NAA11: variants seen among roughly 807,000 people sequenced by gnomAD.
NAA11 encodes the protein N-alpha-acetyltransferase 11.
A neutral mutation model predicts 16.1 loss-of-function variants in NAA11; 15 were observed. That is an observed-to-expected ratio of 0.93 (90% confidence interval 0.62 to 1.44). NAA11 has a LOEUF of 1.44. Among genes scored for constraint, NAA11 ranks in the 40% most tolerant of loss-of-function variants. The pLI, the probability that NAA11 is intolerant of heterozygous loss-of-function variation, is 0.00. For synonymous variants in NAA11, 122 were observed against 112.4 expected (o/e 1.09, Z -0.54); for missense variants, 298 against 291.3 (o/e 1.02, Z -0.17).
chr4:79,293,710 A>C (rs1723143945), intron 2 of NAA11, among the ~76,000 whole-genome samples: 1 of 152,208 alleles, frequency 6.6e-6, no homozygotes, highest in Non-Finnish European at 1.5e-5. Context: ...GGTAATGAAC[A>C]AGTGAGAAAT....
At chr4:79,156,329 G>GTGTGTA in the NAA11 span, among the ~76,000 whole-genome samples, 417 of 149,362 alleles carry the variant, frequency 2.8e-3, 2 homozygotes, top group Middle Eastern at 6.9e-3. Context: ...GTGTGTGTGT[G>GTGTGTA]TATATATATA....
the NAA11 span, among the ~76,000 whole-genome samples, chr4:79,161,897 G>T: frequency 6.6e-6 from 1 of 152,096 alleles, no homozygotes; most frequent in Non-Finnish European, 1.5e-5. Context: ...TGGCCAGGCT[G>T]GTCTCGAACT....
the NAA11 span, among the ~76,000 whole-genome samples, chr4:79,215,016 C>G: frequency 2.4e-3 from 366 of 152,202 alleles, 9 homozygotes; most frequent in Admixed American, 0.021. Context: ...TATAGCAGCA[C>G]CAACAGACTA....
chr4:79,205,503 G>C, the NAA11 span, among the ~76,000 whole-genome samples: 1 of 151,926 alleles, frequency 6.6e-6, no homozygotes, highest in Non-Finnish European at 1.5e-5. Flanking sequence ...TGTAGATTCT[G>C]GATATGAGTT....
chr4:79,319,469 C>T (rs933747315), intron 1 of NAA11, among the ~76,000 whole-genome samples: 2 of 152,092 alleles, frequency 1.3e-5, no homozygotes, highest in African/African-American at 4.8e-5. Flanking sequence ...TGAATCATTG[C>T]CCATTCAAAG....
chr4:79,203,872 A>G, the NAA11 span, among the ~76,000 whole-genome samples: 1 of 151,846 alleles, frequency 6.6e-6, no homozygotes, highest in African/African-American at 2.4e-5. Flanking sequence ...GGATATGAAC[A>G]GGCAATCTCA....
intron 1 of NAA11, among the ~76,000 whole-genome samples, chr4:79,307,881 G>C (rs1560466756): frequency 6.6e-6 from 1 of 152,140 alleles, no homozygotes; most frequent in Non-Finnish European, 1.5e-5. Context: ...CTTTGACCAT[G>C]TAAAGGACAT....
the NAA11 span, among the ~76,000 whole-genome samples, chr4:79,183,907 G>GTTATTATGTTATT: frequency 3.3e-5 from 5 of 152,128 alleles, no homozygotes; most frequent in African/African-American, 1.2e-4. Flanking sequence ...AAGTTTAAAT[G>GTTATTATGTTATT]AGGATCAAGT....
intron 1 of NAA11, among the ~76,000 whole-genome samples, chr4:79,304,644 A>C (rs1461292692): frequency 6.6e-6 from 1 of 152,196 alleles, no homozygotes; most frequent in Admixed American, 6.5e-5. Context: ...TATGATTTTT[A>C]CTACTTTTCC....
At chr4:79,271,669 A>G (rs1319154059) in intron 2 of NAA11, among the ~76,000 whole-genome samples, 1 of 152,088 alleles carries the variant, frequency 6.6e-6, no homozygotes, top group Non-Finnish European at 1.5e-5. Context: ...TAATTTTGCT[A>G]TAAAATTAGA....
chr4:79,182,456 T>A, the NAA11 span, among the ~76,000 whole-genome samples: 1 of 152,218 alleles, frequency 6.6e-6, no homozygotes, highest in Non-Finnish European at 1.5e-5. Flanking sequence ...CATGTTAATG[T>A]AGCTTTCAAT....
the NAA11 span, among the ~76,000 whole-genome samples, chr4:79,191,647 T>A: frequency 1.3e-5 from 2 of 152,226 alleles, no homozygotes; most frequent in Non-Finnish European, 2.9e-5. Context: ...TTTACTCTGT[T>A]GATAGTTTCT....
the NAA11 span, among the ~76,000 whole-genome samples, chr4:79,165,945 A>T: frequency 8.1e-6 from 1 of 123,772 alleles, no homozygotes; most frequent in African/African-American, 2.5e-5. Flanking sequence ...AGAGCCTTTA[A>T]AGAAGGATGA....
chr4:79,244,207 G>A (rs1309776515), intron 2 of NAA11, among the ~76,000 whole-genome samples: 1 of 152,164 alleles, frequency 6.6e-6, no homozygotes, highest in South Asian at 2.1e-4. Flanking sequence ...GAGGCATTGC[G>A]ATAATTGCCA....
chr4:79,238,832 A>G (rs1721624090), intron 2 of NAA11, among the ~76,000 whole-genome samples: 1 of 152,190 alleles, frequency 6.6e-6, no homozygotes, highest in Non-Finnish European at 1.5e-5. Context: ...ATTTGCCAGT[A>G]TATACTTGCC....
chr4:79,236,153 A>G (rs4470657), intron 2 of NAA11, among the ~76,000 whole-genome samples: 108,241 of 151,990 alleles, frequency 0.71, 40,723 homozygotes, highest in East Asian at 0.89. Flanking sequence ...TTTGGTTAAC[A>G]TTTTATATTT....
chr4:79,196,955 C>CAAAA, the NAA11 span, among the ~76,000 whole-genome samples: 366 of 86,164 alleles, frequency 4.2e-3, 3 homozygotes, highest in African/African-American at 0.013. Flanking sequence ...ATGAAAAAGA[C>CAAAA]AAAAAAAAAA....
chr4:79,195,373 A>AT, the NAA11 span, among the ~76,000 whole-genome samples: 1 of 152,070 alleles, frequency 6.6e-6, no homozygotes, highest in East Asian at 1.9e-4. Flanking sequence ...GTATAATTCT[A>AT]TTTTTAAAAT....
At chr4:79,173,066 G>A in the NAA11 span, among the ~76,000 whole-genome samples, 4 of 152,080 alleles carry the variant, frequency 2.6e-5, no homozygotes, top group Non-Finnish European at 5.9e-5. Context: ...AAACTCCAGC[G>A]AGCCAAGATG....
Sources: allele counts gnomAD v4.1 joint callset (sites outside exome capture counted in the v4.1 genomes callset), GRCh38; gene constraint gnomAD v4.1.1; transcripts MANE v1.5; gene names NCBI Gene and HGNC (gene_info 2026-07-23, HGNC 2026-07-21).